TNFRSF1A: variants seen among roughly 807,000 people sequenced by gnomAD.
TNFRSF1A encodes tumor necrosis factor receptor superfamily member 1A.
A neutral mutation model predicts 41.6 loss-of-function variants in TNFRSF1A; 9 were observed. That is an observed-to-expected ratio of 0.22 (90% confidence interval 0.13 to 0.38). The LOEUF (loss-of-function observed/expected upper bound fraction) is 0.38. TNFRSF1A is among the 10% of genes least tolerant of loss of function. The probability of loss-of-function intolerance (pLI) is 1.00; values close to 1 mark genes in which losing one functional copy is unlikely to be tolerated. For synonymous variants in TNFRSF1A, 254 were observed against 248.6 expected, an observed-to-expected ratio of 1.02 and a Z score of -0.21; for missense variants, 463 against 591.5, an observed-to-expected ratio of 0.78 and a Z score of 2.25.
In TNFRSF1A at chr12:6,337,773, C is replaced by CAA. The variant is rs4149628; in HGVS notation, c.40-3531_40-3530dup. Among the ~76,000 whole-genome samples, 3 of 151,950 alleles carry CAA rather than the reference C, an allele frequency of 2.0e-5. No individual in the cohort carries two copies. Among genetic ancestry groups the CAA allele is most frequent in the African/African-American group, 7.3e-5 (3 of 41,314 alleles). On this transcript the variant is annotated intron_variant, in intron 1 of 9. Transcript: ENST00000162749. The surrounding 1 kb of genome is among the most constrained non-coding windows in gnomAD (Gnocchi z 4.6). The stretch of plus-strand genomic sequence containing the variant: ...CCACGAACCTTATAAGATGAGAGAT[C>CAA]AAAAAATGTCTTGGTCAGAAAGTGT...
chr12:6,337,418 G>A lies in TNFRSF1A; in HGVS notation c.40-3174C>T, dbSNP rs547179334. 1.3e-5 allele frequency among the ~76,000 whole-genome samples: 2 copies of A among 152,306 alleles called. No homozygotes were observed. Among genetic ancestry groups the A allele is most frequent in the South Asian group, 4.1e-4 (2 of 4,828 alleles). ...CTTCCTGTGCTGGGGCTGCAGAGTGGGGAGGCGACGCTGAGATCGGCCTTG... is the reference window on the plus strand; with the variant it reads ...CTTCCTGTGCTGGGGCTGCAGAGTGAGGAGGCGACGCTGAGATCGGCCTTG... On this transcript the variant is annotated intron_variant, in intron 1 of 9. Coordinates refer to ENST00000162749, the MANE Select transcript of TNFRSF1A (RefSeq NM_001065.4). The surrounding 1 kb of genome is among the most constrained non-coding windows in gnomAD (Gnocchi z 4.6).
chr12:6,332,991 C>T, intron 5 of TNFRSF1A, 78 bp downstream of exon 5: 2 of 1,356,558 alleles, frequency 1.5e-6, no homozygotes, highest in South Asian at 1.2e-5. Context: ...CATCTGTTGC[C>T]CAGCTAATGG....
In TNFRSF1A at chr12:6,341,950, G is replaced by A. The variant is rs913027353; in HGVS notation, c.-136C>T. 6.9e-6 allele frequency: 6 copies of A among 870,848 alleles called. No individual in the cohort carries two copies. The highest frequency in any genetic ancestry group is 1.4e-5 in the South Asian group (1 of 73,012). 53.9% of individuals were successfully genotyped at this position (870,848 alleles called of 1,614,324 possible). ...GGGTGACAGTTGAGGGTTGAGACTC[G>A]GGCATAGAGATCACGGCCTGGTCCC... On this transcript the variant is annotated 5_prime_UTR_variant, in exon 1 of 10. Coordinates refer to ENST00000162749, the MANE Select transcript of TNFRSF1A (RefSeq NM_001065.4). This position sits in a 1 kb window ranked among gnomAD's most constrained non-coding sequence, Gnocchi z 4.6.
Position 6,329,601 on chromosome 12 carries a change from T to A in TNFRSF1A, c.1079A>T (p.Tyr360Phe). Residue 360 changes from tyrosine to phenylalanine, a missense_variant, in exon 10 of 10, where the codon TAC (tyrosine) becomes TTC (phenylalanine). By Grantham distance (22) the Tyr-to-Phe change is conservative. Around this residue, in one of 4 missense-constraint regions of TNFRSF1A, gnomAD observed 277 missense variants for 288.8 expected, o/e 0.96. Transcript: ENST00000162749. ...SLDTDDPATL[Y>F]AVVENVPPLR... ...CGGGGGCACGTTCTCCACCACGGCGTACAGCGTCGCGGGGTCATCAGCTGC... is the reference window on the plus strand; with the variant it reads ...CGGGGGCACGTTCTCCACCACGGCGAACAGCGTCGCGGGGTCATCAGCTGC... The A allele has an allele frequency of 6.3e-7, 1 of 1,593,690 alleles. No individual in the cohort carries two copies. The highest frequency in any genetic ancestry group is 8.5e-7 in the Non-Finnish European group (1 of 1,175,098).
In TNFRSF1A at chr12:6,330,836, A is replaced by G; in HGVS notation, c.625+17T>C. 1 of 1,611,076 alleles carries G rather than the reference A, an allele frequency of 6.2e-7. No individual in the cohort carries two copies. On this transcript the variant is annotated intron_variant, in intron 6 of 9. Coordinates refer to ENST00000162749, the MANE Select transcript of TNFRSF1A (RefSeq NM_001065.4). The stretch of plus-strand genomic sequence containing the variant: ...GAGAGGGCAGGTGAGCATGGGCACC[A>G]GGTCACTTCTCCTCACCTGAGTCCT...
intron 5 of TNFRSF1A, chr12:6,331,825 A>AC (rs563423865): frequency 5.4e-4 from 95 of 176,272 alleles, no homozygotes; most frequent in African/African-American, 2.0e-3. Flanking sequence ...AGATGGTGAA[A>AC]CCCCATCTCT....
chr12:6,330,033 C>T lies in TNFRSF1A; in HGVS notation c.802G>A (p.Ala268Thr). The T allele has an allele frequency of 1.2e-6, 2 of 1,612,490 alleles. No homozygotes were observed. The highest frequency in any genetic ancestry group is 2.7e-5 in the African/African-American group (2 of 74,950). Residue 268 changes from alanine to threonine, a missense_variant, in exon 9 of 10, where the codon GCC becomes ACC. Transcript: ENST00000162749. ...GTGGGACTGAAGCTTGGGTTTGGGG[C>T]CAGGGGCTTAGTAGTAGTTCCTTCA... The part of the protein sequence containing the change: ...ELEGTTTKPL[A>T]PNPSFSPTPG...
In TNFRSF1A at chr12:6,331,043, A is replaced by G. The variant is rs996475271; in HGVS notation, c.552-117T>C. 6 of 873,136 alleles carry G rather than the reference A, an allele frequency of 6.9e-6. No homozygotes were observed. The South Asian group carries it at 8.5e-5, about 12-fold the overall frequency. The allele number at this position is 873,136 out of a possible 1,614,324, so 54.1% of individuals were successfully genotyped here. A position where few individuals can be genotyped will look rare whatever the true frequency, so the allele number is the denominator to read the frequency against. On this transcript the variant is annotated intron_variant, in intron 5 of 9. Transcript: ENST00000162749. ...ACAAATATTTTTGCTGTCTCTTGAT[A>G]TAATTTGTTTTGGGAACTGATGCAG...
Position 6,329,134 on chromosome 12 carries a change from GCTGA to G in TNFRSF1A, c.*174_*177del, listed in dbSNP as rs1555107107. ...GCGCACCTCTCTCCGCGCGCACAGCGCTGACTGTCGGCGGCGCGCAGGCAGCTGA... is the reference window on the plus strand; with the variant it reads ...GCGCACCTCTCTCCGCGCGCACAGCGCTGTCGGCGGCGCGCAGGCAGCTGA... On this transcript the variant is annotated 3_prime_UTR_variant, in exon 10 of 10. Coordinates refer to ENST00000162749, the MANE Select transcript of TNFRSF1A (RefSeq NM_001065.4). 5.2e-6 allele frequency: 3 copies of G among 576,306 alleles called. No individual in the cohort carries two copies. Among genetic ancestry groups the G allele is most frequent in the Admixed American group, 4.0e-5 (1 of 24,888 alleles). The allele number at this position is 576,306 out of a possible 1,614,324, so 35.7% of individuals were successfully genotyped here.
intron 1 of TNFRSF1A, among the ~76,000 whole-genome samples, chr12:6,340,010 C>A (rs2136832051): frequency 6.6e-6 from 1 of 152,316 alleles, no homozygotes; most frequent in South Asian, 2.1e-4. Flanking sequence ...GCTGAAGCAC[C>A]CCAGGACGCA....
chr12:6,338,239 C>T (rs1463134665), intron 1 of TNFRSF1A, among the ~76,000 whole-genome samples: 4 of 152,228 alleles, frequency 2.6e-5, no homozygotes, highest in African/African-American at 9.6e-5. Flanking sequence ...GACACACCAT[C>T]GACTTCCCGG....
intron 1 of TNFRSF1A, among the ~76,000 whole-genome samples, chr12:6,339,839 T>TCACACACACACA (rs1312763687): frequency 8.3e-6 from 1 of 120,794 alleles, no homozygotes; most frequent in African/African-American, 3.1e-5. Flanking sequence ...TCTCTCTCTC[T>TCACACACACACA]CTCACACACA....
In TNFRSF1A at chr12:6,329,822, A is replaced by G; in HGVS notation, c.1013T>C (p.Leu338Pro). 1 of 1,604,964 alleles carries G rather than the reference A, an allele frequency of 6.2e-7. No homozygotes were observed. Among genetic ancestry groups the G allele is most frequent in the Middle Eastern group, 2.1e-4 (1 of 4,790 alleles). The change falls in exon 9 of 10, where the codon CTT becomes CCT. Residue 338 changes from leucine (L) to proline (P), a missense_variant. By Grantham distance (98) the Leu-to-Pro change is moderately conservative. Around this residue, in one of 4 missense-constraint regions of TNFRSF1A, gnomAD observed 277 missense variants for 288.8 expected, o/e 0.96. Coordinates refer to ENST00000162749, the MANE Select transcript of TNFRSF1A (RefSeq NM_001065.4). ...GTGGGCGCTGTCCTCCCACTTCTGA[A>G]GGGGGTTGGGGATGGGGTCGGAGGC... is the stretch of plus-strand genomic sequence containing the variant. ...ALASDPIPNP[L>P]QKWEDSAHKP...
chr12:6,334,046 AG>A lies in TNFRSF1A; in HGVS notation c.193+44del. ...AACTGGAAGAAGCAGAGAAAGAAGC[AG>A]CACCCCAGACCTGAGGGCATTCACC... On this transcript the variant is annotated intron_variant, in intron 2 of 9. Transcript: ENST00000162749. The surrounding 1 kb of genome is among the most constrained non-coding windows in gnomAD (Gnocchi z 5.1). 6.2e-7 allele frequency: 1 copy of A among 1,613,778 alleles called. No individual in the cohort carries two copies. Among genetic ancestry groups the A allele is most frequent in the African/African-American group, 1.3e-5 (1 of 75,034 alleles).
chr12:6,330,184 G>T, intron 8 of TNFRSF1A, 83 bp downstream of exon 8: 1 of 1,610,872 alleles, frequency 6.2e-7, no homozygotes, highest in South Asian at 1.1e-5. Flanking sequence ...GAAAGTGAAG[G>T]ATGATTCCAG....
chr12:6,329,697 C>T (rs1288700633), intron 9 of TNFRSF1A, 75 bp from the exon 10 acceptor site: 3 of 1,521,698 alleles, frequency 2.0e-6, no homozygotes, highest in Non-Finnish European at 2.6e-6. Flanking sequence ...CTCCGCCTCT[C>T]GTGGTCCCCT....
chr12:6,338,928 C>G (rs1354471308), intron 1 of TNFRSF1A, among the ~76,000 whole-genome samples: 1 of 152,210 alleles, frequency 6.6e-6, no homozygotes, highest in African/African-American at 2.4e-5. Context: ...CAGCACCCAT[C>G]TGAGATGCCT....
chr12:6,330,100 G>T (rs1354090618), intron 8 of TNFRSF1A, 34 bp from the exon 9 acceptor site: 7 of 1,612,154 alleles, frequency 4.3e-6, no homozygotes, highest in Admixed American at 3.3e-5. Context: ...CATTAGTGCG[G>T]CAGCGAAAAC....
At position 6,333,964 on chromosome 12, in the gene TNFRSF1A, G is replaced by A. The variant is rs1299085375; in HGVS notation, c.194-99C>T. 1 of 1,609,696 alleles carries A rather than the reference G, an allele frequency of 6.2e-7. No individual in the cohort carries two copies. Among genetic ancestry groups the A allele is most frequent in the Non-Finnish European group, 8.5e-7 (1 of 1,177,318 alleles). Reference sequence around the variant, plus strand: ...AGGGCCGATTCCCTGAAGTCTCTAGGAGAGGAGGGAGGGAGAAAATCCCAG... The same window carrying A: ...AGGGCCGATTCCCTGAAGTCTCTAGAAGAGGAGGGAGGGAGAAAATCCCAG... On this transcript the variant is annotated intron_variant, in intron 2 of 9. Coordinates refer to ENST00000162749, the MANE Select transcript of TNFRSF1A (RefSeq NM_001065.4). This position sits in a 1 kb window ranked among gnomAD's most constrained non-coding sequence, Gnocchi z 6.3.
Sources: gnomAD v4.1 joint callset for allele counts (sites outside exome capture counted in the v4.1 genomes callset) on GRCh38, gnomAD v4.1.1 for gene constraint, gnomAD v4.1.1 regional missense constraint, Gnocchi (gnomAD v3.1) non-coding constraint, MANE v1.5 for transcripts, NCBI Gene and HGNC (gene_info 2026-07-23, HGNC 2026-07-21) for gene names.